The following GRIK2 variants were observed in gnomAD, a reference collection of about 807,000 sequenced individuals.
GRIK2 encodes the protein glutamate receptor ionotropic, kainate 2.
GRIK2 carries 32 observed loss-of-function variants against 100.3 expected under a neutral mutation model. The observed-to-expected ratio is 0.32, with a 90% CI of 0.24 to 0.43. The LOEUF is 0.43. Among genes scored for constraint, GRIK2 ranks in the 20% least tolerant of loss-of-function variants. GRIK2 has a pLI of 1.00. For synonymous variants in GRIK2, 417 were observed against 389.4 expected (o/e 1.07, Z -0.83); for missense variants, 843 against 1,114.9 (o/e 0.76, Z 3.47).
At chr6:101,533,210 AG>A (rs1399338669) in intron 2 of GRIK2, among the ~76,000 whole-genome samples, 2 of 151,858 alleles carry the variant, frequency 1.3e-5, no homozygotes, top group African/African-American at 4.8e-5. Flanking sequence ...TCTCTTGTGC[AG>A]GGGATGCTCT....
At chr6:102,066,424 C>T (rs1205083478) in intron 16 of GRIK2, among the ~76,000 whole-genome samples, 1 of 151,330 alleles carries the variant, frequency 6.6e-6, no homozygotes, top group Non-Finnish European at 1.5e-5. Flanking sequence ...GCAGGCCAGA[C>T]AGAAAAACAG....
At chr6:101,819,284 C>T (rs983222173) in intron 10 of GRIK2, among the ~76,000 whole-genome samples, 3 of 152,114 alleles carry the variant, frequency 2.0e-5, no homozygotes, top group Non-Finnish European at 2.9e-5. Context: ...ATATCTAGAA[C>T]AAACTACCAT....
intron 2 of GRIK2, among the ~76,000 whole-genome samples, chr6:101,536,528 T>C (rs1026454687): frequency 6.6e-6 from 1 of 151,688 alleles, no homozygotes; most frequent in Non-Finnish European, 1.5e-5. Context: ...ATTATAATTA[T>C]CTTATTGCTA....
Position 101,914,621 on chromosome 6 carries a change from C to T in GRIK2, c.1749-9980C>T, listed in dbSNP as rs1456124820. Among the ~76,000 whole-genome samples, 3 of 151,088 alleles carry T rather than the reference C, an allele frequency of 2.0e-5. No individual in the cohort carries two copies. In the East Asian group the frequency reaches 5.8e-4, roughly 29 times the overall value. The stretch of plus-strand genomic sequence containing the variant: ...TATTACTGATCCTGACAATGTGTTG[C>T]CCCCCCACCACACCCAAGTGTTACT... On this transcript the variant is annotated intron_variant, in intron 12 of 16. Transcript: ENST00000369134.
intron 15 of GRIK2, 74 bp downstream of exon 15, chr6:102,035,640 T>A: frequency 1.2e-6 from 1 of 805,690 alleles, no homozygotes; most frequent in Non-Finnish European, 2.1e-6. Context: ...AAATAGTGTG[T>A]CCACGTATGC....
intron 10 of GRIK2, among the ~76,000 whole-genome samples, chr6:101,827,319 G>T (rs1242643289): frequency 6.6e-6 from 1 of 151,816 alleles, no homozygotes. Context: ...GAAAATAAAA[G>T]AATTTTTCTA....
At chr6:101,734,888 G>C (rs577789402) in intron 7 of GRIK2, among the ~76,000 whole-genome samples, 1 of 152,186 alleles carries the variant, frequency 6.6e-6, no homozygotes, top group Non-Finnish European at 1.5e-5. Flanking sequence ...ATCTCAACTT[G>C]TCTTCATGGA....
At chr6:101,607,840 T>A (rs921862497) in intron 2 of GRIK2, among the ~76,000 whole-genome samples, 86 of 151,870 alleles carry the variant, frequency 5.7e-4, no homozygotes, top group African/African-American at 2.0e-3. Context: ...TTTCCCAAAA[T>A]GAATGATTAG....
intron 11 of GRIK2, among the ~76,000 whole-genome samples, chr6:101,886,648 T>A (rs1490453115): frequency 1.3e-5 from 2 of 151,930 alleles, no homozygotes; most frequent in Non-Finnish European, 2.9e-5. Context: ...TTTACCATTT[T>A]TCAAGAATGC....
At chr6:101,657,995 C>A (rs1297477780) in intron 4 of GRIK2, among the ~76,000 whole-genome samples, 1 of 152,000 alleles carries the variant, frequency 6.6e-6, no homozygotes, top group East Asian at 1.9e-4. Context: ...TCAATATACC[C>A]TAGTTTACCA....
At chr6:101,970,905 T>C (rs9485574) in intron 14 of GRIK2, among the ~76,000 whole-genome samples, 2,585 of 150,764 alleles carry the variant, frequency 0.017, 231 homozygotes, top group African/African-American at 0.062. Context: ...ATCCAAATGA[T>C]ACAAATGACA....
intron 14 of GRIK2, among the ~76,000 whole-genome samples, chr6:102,018,684 C>T (rs192717936): frequency 2.2e-4 from 33 of 152,198 alleles, no homozygotes; most frequent in Admixed American, 7.2e-4. Flanking sequence ...TTGGGGACAG[C>T]AGTTTGCCCT....
intron 4 of GRIK2, among the ~76,000 whole-genome samples, chr6:101,674,507 A>G (rs945520933): frequency 2.6e-5 from 4 of 152,190 alleles, no homozygotes; most frequent in Non-Finnish European, 5.9e-5. Flanking sequence ...TTTTCTGTAC[A>G]TATATGTTTG....
intron 4 of GRIK2, among the ~76,000 whole-genome samples, chr6:101,630,429 T>C (rs74819578): frequency 2.6e-5 from 4 of 152,154 alleles, no homozygotes; most frequent in African/African-American, 9.7e-5. Context: ...TGGTATCTCA[T>C]TGAGGTTTTG....
chr6:101,858,544 G>A (rs764968649), intron 10 of GRIK2, among the ~76,000 whole-genome samples: 4 of 147,160 alleles, frequency 2.7e-5, no homozygotes, highest in Admixed American at 1.3e-4. Flanking sequence ...CCGCCACTAC[G>A]CCCAGCTAAT....
intron 2 of GRIK2, among the ~76,000 whole-genome samples, chr6:101,565,915 T>TTTTATA (rs1484860305): frequency 7.3e-5 from 9 of 123,336 alleles, no homozygotes; most frequent in African/African-American, 2.8e-4. Flanking sequence ...TATACCTATT[T>TTTTATA]TATATATATA....
intron 4 of GRIK2, among the ~76,000 whole-genome samples, chr6:101,661,313 A>G (rs1273918047): frequency 6.6e-6 from 1 of 151,958 alleles, no homozygotes; most frequent in Non-Finnish European, 1.5e-5. Context: ...GTAATAGCAG[A>G]CGCTCCTCCT....
intron 14 of GRIK2, among the ~76,000 whole-genome samples, chr6:102,011,404 G>C (rs182339445): frequency 1.3e-5 from 2 of 152,064 alleles, no homozygotes; most frequent in Admixed American, 6.6e-5. Flanking sequence ...TAAATTTTAA[G>C]AGTTCTCTGA....
rs137878173 is a variant in GRIK2 at position 101,918,724 on chromosome 6, A to T, written c.1749-5877A>T. ...GGAATTCAAACCTTCCAGTCTCAAA[A>T]CTTGTAGTCATTCTATTATGCCTCT... On this transcript the variant is annotated intron_variant, in intron 12 of 16. Coordinates refer to ENST00000369134, the MANE Select transcript of GRIK2 (RefSeq NM_021956.5). Among the ~76,000 whole-genome samples the T allele has an allele frequency of 5.7e-3, 864 of 151,842 alleles. 8 individuals are homozygous for T. The highest frequency in any genetic ancestry group is 0.02 in the African/African-American group (815 of 41,516).
Sources: allele counts gnomAD v4.1 joint callset (sites outside exome capture counted in the v4.1 genomes callset), GRCh38; gene constraint gnomAD v4.1.1; transcripts MANE v1.5; gene names NCBI Gene and HGNC (gene_info 2026-07-23, HGNC 2026-07-21).